The following MGAT4C variants were observed in gnomAD, a reference collection of about 807,000 sequenced individuals.
MGAT4C encodes the protein alpha-1,3-mannosyl-glycoprotein 4-beta-N-acetylglucosaminyltransferase C.
In MGAT4C, 19 loss-of-function variants were observed where a neutral mutation model predicts 40.1. That is an observed-to-expected ratio of 0.47 (90% CI 0.33 to 0.70). The LOEUF (loss-of-function observed/expected upper bound fraction) is 0.70, where lower values mean the gene tolerates loss of function less well. MGAT4C is among the 30% of genes least tolerant of loss of function. The pLI, the probability that MGAT4C is intolerant of heterozygous loss-of-function variation, is 0.02. For synonymous variants in MGAT4C, 181 were observed against 187.1 expected (o/e 0.97, Z 0.27); for missense variants, 491 against 563.2 (o/e 0.87, Z 1.30).
intron 2 of MGAT4C, among the ~76,000 whole-genome samples, chr12:86,683,881 G>A (rs1028905123): frequency 3.3e-5 from 5 of 152,170 alleles, no homozygotes; most frequent in Admixed American, 6.5e-5. Context: ...TGAGCTGTCT[G>A]CTGTCTTATC....
chr12:86,175,521 T>C lies in MGAT4C; in HGVS notation c.-57+80718A>G, dbSNP rs552668246. On this transcript the variant is annotated intron_variant, in intron 1 of 4. Coordinates refer to ENST00000611864, the MANE Select transcript of MGAT4C (RefSeq NM_001351288.2). ...TTTATTTATGTCTTCTTCTGGTGAA[T>C]CTGCCAAAGGATTATTCTAGAGTTT... 1.2e-4 allele frequency among the ~76,000 whole-genome samples: 19 copies of C among 152,282 alleles called. No individual in the cohort carries two copies. The South Asian group carries it at 3.9e-3, about 32-fold the overall frequency.
At chr12:86,307,366 TCTTA>T (rs148232976) in intron 4 of MGAT4C, among the ~76,000 whole-genome samples, 2,496 of 126,192 alleles carry the variant, frequency 0.02, 79 homozygotes, top group Middle Eastern at 0.032. Context: ...CTTATTTTAA[TCTTA>T]CTTAATACAT....
chr12:86,258,341 TC>T (rs537011119), upstream of MGAT4C, among the ~76,000 whole-genome samples: 257 of 149,048 alleles, frequency 1.7e-3, 1 homozygote, highest in Non-Finnish European at 3.0e-3. Context: ...CTATCTACAT[TC>T]AGTTAATTTT....
intron 4 of MGAT4C, among the ~76,000 whole-genome samples, chr12:86,303,848 T>C (rs1404770937): frequency 6.6e-6 from 1 of 150,646 alleles, no homozygotes; most frequent in East Asian, 1.9e-4. Context: ...TTTGTTACGT[T>C]GTGAAAGCCA....
rs561254710 is a variant in MGAT4C, at chr12:86,680,211, C to G, written c.-229+46998G>C. On this transcript the variant is annotated intron_variant, in intron 2 of 7. Coordinates refer to the MGAT4C transcript ENST00000548651. ...ATGAACCCATAATTTTAAATGCATG[C>G]AGACACATTGTATTTGAAGATTGCT... Among the ~76,000 whole-genome samples the G allele has an allele frequency of 2.6e-5, 4 of 152,000 alleles. No homozygotes were observed. In the East Asian group the frequency reaches 7.7e-4, roughly 29 times the overall value.
In MGAT4C at chr12:86,399,404, C is replaced by T. The variant is rs528796290; in HGVS notation, c.-120+35753G>A. ...TCATGCCATTCTCCTGCCTCAGCCT[C>T]CCGAGTAGCTGGGACTACAGGCGCC... is the stretch of plus-strand genomic sequence containing the variant. On this transcript the variant is annotated intron_variant, in intron 3 of 7. Coordinates refer to the MGAT4C transcript ENST00000548651. Among the ~76,000 whole-genome samples, 4 of 152,086 alleles carry T rather than the reference C, an allele frequency of 2.6e-5. No homozygotes were observed. The East Asian group carries it at 7.8e-4, about 30-fold the overall frequency.
chr12:86,766,485 C>T (rs4842821), intron 1 of MGAT4C, among the ~76,000 whole-genome samples: 58,910 of 151,656 alleles, frequency 0.39, 11,595 homozygotes, highest in East Asian at 0.46. Context: ...CAAGGATACC[C>T]GGGAATTGAA....
chr12:86,363,022 T>C (rs1313247187), intron 3 of MGAT4C, among the ~76,000 whole-genome samples: 1 of 152,032 alleles, frequency 6.6e-6, no homozygotes, highest in Non-Finnish European at 1.5e-5. Context: ...TTTGCATGGA[T>C]CTAACAACAG....
intron 1 of MGAT4C, among the ~76,000 whole-genome samples, chr12:86,737,431 T>C (rs1951004694): frequency 6.6e-6 from 1 of 150,544 alleles, no homozygotes; most frequent in South Asian, 2.1e-4. Flanking sequence ...TTTTCCTCAG[T>C]CTACTTTTTT....
intron 1 of MGAT4C, among the ~76,000 whole-genome samples, chr12:86,743,110 G>A (rs1414571968): frequency 7.4e-6 from 1 of 135,390 alleles, no homozygotes; most frequent in Non-Finnish European, 1.6e-5. Flanking sequence ...ATGTATGTGT[G>A]TATGCATGTG....
At chr12:86,638,454 G>C (rs1206859422) in intron 2 of MGAT4C, among the ~76,000 whole-genome samples, 2 of 151,796 alleles carry the variant, frequency 1.3e-5, no homozygotes, top group Non-Finnish European at 2.9e-5. Context: ...ATTGGGCTTT[G>C]GGGATGTAAT....
chr12:86,280,826 A>G (rs978161018), intron 4 of MGAT4C, among the ~76,000 whole-genome samples: 2 of 151,836 alleles, frequency 1.3e-5, no homozygotes, highest in African/African-American at 4.8e-5. Flanking sequence ...CTTATTGTTT[A>G]CATTTACAAA....
At chr12:86,152,718 A>G (rs995080082) in intron 1 of MGAT4C, among the ~76,000 whole-genome samples, 14 of 152,214 alleles carry the variant, frequency 9.2e-5, no homozygotes, top group African/African-American at 3.1e-4. Flanking sequence ...AGTGGCCATT[A>G]CATACCAGGT....
chr12:86,681,936 G>A (rs1949990707), intron 2 of MGAT4C, among the ~76,000 whole-genome samples: 1 of 151,904 alleles, frequency 6.6e-6, no homozygotes, highest in Admixed American at 6.6e-5. Flanking sequence ...GCCAACACTG[G>A]TATTCCAATT....
At chr12:86,140,085 C>T (rs1441773426) in intron 1 of MGAT4C, among the ~76,000 whole-genome samples, 1 of 152,042 alleles carries the variant, frequency 6.6e-6, no homozygotes, top group African/African-American at 2.4e-5. Flanking sequence ...CTATACTGGC[C>T]TTAAATTTCT....
At chr12:86,506,742 T>A (rs763601762) in intron 2 of MGAT4C, among the ~76,000 whole-genome samples, 1 of 152,170 alleles carries the variant, frequency 6.6e-6, no homozygotes, top group Non-Finnish European at 1.5e-5. Context: ...TTCCATGATA[T>A]CATCAAAATC....
chr12:86,092,686 T>C (rs1258508759), intron 1 of MGAT4C, among the ~76,000 whole-genome samples: 1 of 152,136 alleles, frequency 6.6e-6, no homozygotes, highest in Non-Finnish European at 1.5e-5. Context: ...TTAACCATTA[T>C]TCTCAAGCAT....
At chr12:86,216,361 C>T (rs1327544138) in intron 1 of MGAT4C, among the ~76,000 whole-genome samples, 2 of 152,140 alleles carry the variant, frequency 1.3e-5, no homozygotes, top group Non-Finnish European at 2.9e-5. Flanking sequence ...TCAAAAGCTT[C>T]CCTACAGAAG....
chr12:86,050,106 A>G (rs918540166), intron 1 of MGAT4C, among the ~76,000 whole-genome samples: 13 of 152,034 alleles, frequency 8.6e-5, no homozygotes, highest in African/African-American at 3.1e-4. Context: ...TATTTTCCTT[A>G]AGAAAGTACT....
Sources: allele counts gnomAD v4.1 joint callset (sites outside exome capture counted in the v4.1 genomes callset), GRCh38; gene constraint gnomAD v4.1.1; transcripts MANE v1.5; gene names NCBI Gene and HGNC (gene_info 2026-07-23, HGNC 2026-07-21).